C1orf105: variants seen among roughly 807,000 people sequenced by gnomAD.
C1orf105 encodes the protein chromosome 1 open reading frame 105, also known as uncharacterized protein C1orf105.
C1orf105 carries 17 observed loss-of-function variants against 20.8 expected under a neutral mutation model. That is an observed-to-expected ratio of 0.82 (90% CI 0.56 to 1.23). C1orf105 has a LOEUF of 1.23. Ranked by LOEUF, C1orf105 falls within the 50% of genes most tolerant of loss-of-function variation. The pLI, the probability that C1orf105 is intolerant of heterozygous loss-of-function variation, is 0.00. For missense variants in C1orf105, 219 were observed against 213.5 expected (o/e 1.03, Z -0.16); for synonymous variants, 72 against 72.1 (o/e 1.00, Z 0.01).
chr1:172,437,757 TA>T (rs946454216), intron 1 of C1orf105, among the ~76,000 whole-genome samples: 2 of 145,694 alleles, frequency 1.4e-5, no homozygotes, highest in Non-Finnish European at 3.0e-5. Flanking sequence ...ATAATAATAA[TA>T]AACAAAACGA....
chr1:172,428,887 A>T (rs2071790148), intron 1 of C1orf105: 2 of 672,768 alleles, frequency 3.0e-6, no homozygotes, highest in East Asian at 2.7e-5. Flanking sequence ...ACACTATAAA[A>T]ATCTGAATGG....
intron 1 of C1orf105, among the ~76,000 whole-genome samples, chr1:172,423,035 T>C (rs1212189022): frequency 6.6e-6 from 1 of 152,202 alleles, no homozygotes; most frequent in Non-Finnish European, 1.5e-5. Flanking sequence ...GTCTCTGGAC[T>C]CACCCAGGGC....
rs545623332 is a variant in C1orf105, at chr1:172,423,759, CA to C, written c.21+2856del. 3.8e-3 allele frequency among the ~76,000 whole-genome samples: 569 copies of C among 151,728 alleles called. 2 individuals are homozygous for C. The highest frequency in any genetic ancestry group is 6.5e-3 in the Non-Finnish European group (441 of 67,902). On this transcript the variant is annotated intron_variant, in intron 1 of 6. Transcript: ENST00000367727. ...TCAGAATTCTATCAAATAAATTTAACAAAGAAATTGAAATAATTAAAAAGAA... is the reference window on the plus strand; with the variant it reads ...TCAGAATTCTATCAAATAAATTTAACAAGAAATTGAAATAATTAAAAAGAA...
chr1:172,428,681 T>C, intron 1 of C1orf105: 1 of 582,054 alleles, frequency 1.7e-6, no homozygotes, highest in Non-Finnish European at 3.0e-6. Context: ...GCTATGCCAC[T>C]TTTTTCTTTT....
At chr1:172,427,179 T>C (rs1045272123) in intron 1 of C1orf105, among the ~76,000 whole-genome samples, 1 of 152,130 alleles carries the variant, frequency 6.6e-6, no homozygotes, top group African/African-American at 2.4e-5. Flanking sequence ...CCTGAGAAAA[T>C]TGAAGCAATC....
At chr1:172,438,426 C>T (rs1321660409) in intron 1 of C1orf105, among the ~76,000 whole-genome samples, 2 of 152,132 alleles carry the variant, frequency 1.3e-5, no homozygotes, top group Admixed American at 6.5e-5. Flanking sequence ...TTCGAGACTT[C>T]AGCGGAGCAA....
intron 3 of C1orf105, among the ~76,000 whole-genome samples, chr1:172,454,011 C>T (rs1273710071): frequency 2.0e-5 from 3 of 152,172 alleles, no homozygotes; most frequent in Admixed American, 6.5e-5. Context: ...TCTTGCAATG[C>T]ACTTTGGGGA....
intron 6 of C1orf105, among the ~76,000 whole-genome samples, chr1:172,466,114 T>A (rs1242747946): frequency 6.6e-6 from 1 of 152,080 alleles, no homozygotes; most frequent in East Asian, 1.9e-4. Context: ...TATGGAAAAA[T>A]CTTTTATCTT....
At chr1:172,444,309 A>G (rs976697492) in intron 1 of C1orf105, 2 of 985,336 alleles carry the variant, frequency 2.0e-6, no homozygotes, top group Non-Finnish European at 2.4e-6. Flanking sequence ...GGACAAGGAA[A>G]GAGGCTGGGC....
intron 2 of C1orf105, among the ~76,000 whole-genome samples, chr1:172,447,695 A>T (rs1648162385): frequency 6.6e-6 from 1 of 152,250 alleles, no homozygotes; most frequent in Non-Finnish European, 1.5e-5. Context: ...CTTTGTTTTA[A>T]ATAAACAATG....
At position 172,439,305 on chromosome 1, in the gene C1orf105, A is replaced by C. The variant is rs2072141247; in HGVS notation, c.22-5768A>C. 2.0e-5 allele frequency among the ~76,000 whole-genome samples: 3 copies of C among 152,212 alleles called. No homozygotes were observed. In the South Asian group the frequency reaches 6.2e-4, roughly 32 times the overall value. ...CACTGACTACAGGATACAATAATGC[A>C]AAGTATTCAGCACTCTCAGATTTCA... On this transcript the variant is annotated intron_variant, in intron 1 of 6. Transcript: ENST00000367727.
intron 1 of C1orf105, among the ~76,000 whole-genome samples, chr1:172,431,633 A>C (rs965064289): frequency 6.6e-6 from 1 of 152,266 alleles, no homozygotes; most frequent in African/African-American, 2.4e-5. Flanking sequence ...CAAGATGGCC[A>C]AATAGGAACA....
At chr1:172,423,039 C>A in intron 1 of C1orf105, among the ~76,000 whole-genome samples, 1 of 152,326 alleles carries the variant, frequency 6.6e-6, no homozygotes, top group African/African-American at 2.4e-5. Context: ...CTGGACTCAC[C>A]CAGGGCCCAG....
At chr1:172,466,856 T>C (rs1650103690) in intron 6 of C1orf105, among the ~76,000 whole-genome samples, 1 of 152,288 alleles carries the variant, frequency 6.6e-6, no homozygotes, top group South Asian at 2.1e-4. Flanking sequence ...ACAGGGGGAA[T>C]AGTTGTAAAA....
chr1:172,453,154 C>G (rs1275396060), intron 3 of C1orf105: 3 of 1,550,952 alleles, frequency 1.9e-6, no homozygotes, highest in Middle Eastern at 1.7e-4. Flanking sequence ...AGCAGCTCTT[C>G]TTGGAGGCCA....
At chr1:172,429,032 T>G (rs1432467352) in intron 1 of C1orf105, among the ~76,000 whole-genome samples, 1 of 152,180 alleles carries the variant, frequency 6.6e-6, no homozygotes, top group South Asian at 2.1e-4. Context: ...TAAAAGCAAC[T>G]GCCTACCATT....
At chr1:172,457,507 C>A (rs951585193) in intron 4 of C1orf105, among the ~76,000 whole-genome samples, 1 of 152,238 alleles carries the variant, frequency 6.6e-6, no homozygotes, top group Non-Finnish European at 1.5e-5. Context: ...AAGCTACCGG[C>A]AAAGCTGCAC....
At chr1:172,442,698 G>T in intron 1 of C1orf105, 1 of 1,281,966 alleles carries the variant, frequency 7.8e-7, no homozygotes, top group Non-Finnish European at 1.1e-6. Flanking sequence ...TCTTTATGAA[G>T]TTTTGAAATG....
In C1orf105 at chr1:172,468,450, A is replaced by G. The variant is rs959326413; in HGVS notation, c.408A>G (p.Glu136=). ...PEPFHDDIPT[E]SIHYRLPILG... is the part of the protein sequence containing the mutation. ...TTTCCTTCTTGTACTGTCATCCAGA[A>G]AGCATTCACTACAGACTGCCCATTC... The change falls in exon 7 of 7, where the codon GAA becomes GAG. Residue 136 remains glutamate (E), a splice_region_variant and synonymous_variant. Transcript: ENST00000367727. 6.2e-7 allele frequency: 1 copy of G among 1,610,378 alleles called. No homozygotes were observed. The highest frequency in any genetic ancestry group is 8.5e-7 in the Non-Finnish European group (1 of 1,177,828).
Sources: allele counts gnomAD v4.1 joint callset (sites outside exome capture counted in the v4.1 genomes callset), GRCh38; gene constraint gnomAD v4.1.1; transcripts MANE v1.5; gene names NCBI Gene and HGNC (gene_info 2026-07-23, HGNC 2026-07-21).